The following DGKI variants were observed in gnomAD, a reference collection of about 807,000 sequenced individuals.
The protein encoded by DGKI is diacylglycerol kinase iota, also known as DAG kinase iota.
Under a neutral mutation model 147.5 loss-of-function variants are expected in DGKI, and 55 were observed. The observed-to-expected ratio is 0.37, with a 90% CI of 0.30 to 0.47. DGKI has a LOEUF of 0.47. Ranked by LOEUF, DGKI falls within the 20% of genes least tolerant of loss-of-function variation. DGKI has a pLI of 1.00. For synonymous variants in DGKI, 469 were observed against 477.1 expected, an observed-to-expected ratio of 0.98 and a Z score of 0.22; for missense variants, 1,007 against 1,323.8, an observed-to-expected ratio of 0.76 and a Z score of 3.71.
At chr7:137,830,775 T>C (rs550674030) in intron 1 of DGKI, among the ~76,000 whole-genome samples, 52 of 152,126 alleles carry the variant, frequency 3.4e-4, no homozygotes, top group Non-Finnish European at 6.5e-4. Context: ...CAGTGTAATA[T>C]TAAGTACGTA....
intron 1 of DGKI, among the ~76,000 whole-genome samples, chr7:137,734,588 G>A (rs886804780): frequency 9.9e-5 from 15 of 151,936 alleles, no homozygotes; most frequent in African/African-American, 3.4e-4. Flanking sequence ...ATCCACCTTC[G>A]AAGCAGATTC....
intron 1 of DGKI, among the ~76,000 whole-genome samples, chr7:137,824,945 T>C (rs553108585): frequency 2.6e-5 from 4 of 152,240 alleles, no homozygotes; most frequent in Non-Finnish European, 4.4e-5. Context: ...ACATGTTCTT[T>C]ATCCAGTCTA....
In DGKI at chr7:137,544,123, T is replaced by C. The variant is rs559051079; in HGVS notation, c.2147+8246A>G. 4.6e-5 allele frequency among the ~76,000 whole-genome samples: 7 copies of C among 152,294 alleles called. No individual in the cohort carries two copies. In the South Asian group the frequency reaches 1.5e-3, roughly 32 times the overall value. ...AACAAGTATGGACAATTTACTTTAC[T>C]GTATGTAGCACGCACACTCATGGAA... On this transcript the variant is annotated intron_variant, in intron 20 of 32. Transcript: ENST00000614521.
intron 2 of DGKI, among the ~76,000 whole-genome samples, chr7:137,686,338 T>C (rs1490314432): frequency 6.6e-6 from 1 of 152,174 alleles, no homozygotes; most frequent in Non-Finnish European, 1.5e-5. Flanking sequence ...CTGCTGTCAA[T>C]AGAAGACTCA....
At chr7:137,564,309 T>C (rs913467226) in intron 19 of DGKI, among the ~76,000 whole-genome samples, 1 of 152,264 alleles carries the variant, frequency 6.6e-6, no homozygotes, top group South Asian at 2.1e-4. Flanking sequence ...CCTCCCAATC[T>C]TTCTGGGAGT....
intron 3 of DGKI, among the ~76,000 whole-genome samples, chr7:137,676,456 C>G (rs753499941): frequency 2.0e-5 from 3 of 152,002 alleles, no homozygotes; most frequent in Non-Finnish European, 4.4e-5. Flanking sequence ...TTCTATGTAT[C>G]ATCTCACCAA....
intron 21 of DGKI, 95 bp downstream of exon 21, chr7:137,521,771 C>T: frequency 2.3e-6 from 2 of 867,334 alleles, no homozygotes; most frequent in Non-Finnish European, 3.8e-6. Context: ...GATTTTCAGG[C>T]ACAAGGATAA....
chr7:137,840,208 G>A (rs1410132773), intron 1 of DGKI, among the ~76,000 whole-genome samples: 1 of 152,192 alleles, frequency 6.6e-6, no homozygotes, highest in African/African-American at 2.4e-5. Flanking sequence ...ATTTTATTAA[G>A]TGGGTTAAAA....
At chr7:137,605,265 G>A (rs1231803553) in intron 10 of DGKI, among the ~76,000 whole-genome samples, 1 of 150,634 alleles carries the variant, frequency 6.6e-6, no homozygotes, top group Admixed American at 6.6e-5. Context: ...CTGAGATCGT[G>A]TCACTGCACT....
chr7:137,557,808 C>T (rs913271354), intron 19 of DGKI, among the ~76,000 whole-genome samples: 1 of 152,106 alleles, frequency 6.6e-6, no homozygotes, highest in Non-Finnish European at 1.5e-5. Context: ...CTAGTTCTGC[C>T]GTATGACCCT....
chr7:137,733,385 C>T (rs1292797702), intron 1 of DGKI, among the ~76,000 whole-genome samples: 1 of 151,986 alleles, frequency 6.6e-6, no homozygotes, highest in Non-Finnish European at 1.5e-5. Flanking sequence ...GCATAATGTC[C>T]TCAAGGCTCA....
chr7:137,426,223 G>C (rs1646437292), intron 28 of DGKI, among the ~76,000 whole-genome samples: 1 of 152,174 alleles, frequency 6.6e-6, no homozygotes, highest in Non-Finnish European at 1.5e-5. Context: ...CTACAAGCCA[G>C]AAGAGAGTGG....
chr7:137,692,874 G>C (rs1378533265), intron 1 of DGKI, among the ~76,000 whole-genome samples: 8 of 152,054 alleles, frequency 5.3e-5, no homozygotes, highest in African/African-American at 1.9e-4. Context: ...AAAAAAATAA[G>C]TAAAAAACAT....
intron 1 of DGKI, among the ~76,000 whole-genome samples, chr7:137,700,159 G>A (rs1823927281): frequency 6.6e-6 from 1 of 152,218 alleles, no homozygotes; most frequent in Non-Finnish European, 1.5e-5. Flanking sequence ...CACACTGCCA[G>A]GGTGTATCAG....
intron 17 of DGKI, among the ~76,000 whole-genome samples, chr7:137,575,719 T>A (rs1183205313): frequency 6.6e-6 from 1 of 152,224 alleles, no homozygotes; most frequent in Admixed American, 6.5e-5. Context: ...TATCTAGCTT[T>A]AAGAAGGCAA....
At chr7:137,809,865 C>T (rs1797505475) in intron 1 of DGKI, among the ~76,000 whole-genome samples, 1 of 151,750 alleles carries the variant, frequency 6.6e-6, no homozygotes, top group African/African-American at 2.4e-5. Context: ...GATCGCACCA[C>T]TGCACTCTAG....
chr7:137,577,242 A>C lies in DGKI; in HGVS notation c.1741T>G (p.Ser581Ala). 6.3e-7 allele frequency: 1 copy of C among 1,598,902 alleles called. No homozygotes were observed. Among genetic ancestry groups the C allele is most frequent in the Non-Finnish European group, 8.5e-7 (1 of 1,169,770 alleles). Residue 581 changes from serine to alanine, a missense_variant, in exon 17 of 33, where the codon TCC becomes GCC. By Grantham distance (99) the Ser-to-Ala change is moderately conservative (BLOSUM62 1). Transcript: ENST00000614521. ...DFLQRSSRDL[S>A]KHVKVVCDGT... ...CTTACAACAACTTTAACATGTTTGG[A>C]TAGATCTCTAGAACTTCTCTGTAGG...
chr7:137,718,090 C>T (rs1030506627), intron 1 of DGKI, among the ~76,000 whole-genome samples: 2 of 152,106 alleles, frequency 1.3e-5, no homozygotes, highest in Non-Finnish European at 2.9e-5. Flanking sequence ...CCACTCACAG[C>T]ATCTCAAGAG....
intron 23 of DGKI, among the ~76,000 whole-genome samples, chr7:137,472,109 A>G (rs1342421173): frequency 8.4e-6 from 1 of 119,002 alleles, no homozygotes; most frequent in Non-Finnish European, 1.6e-5. Context: ...ATATGTGTAT[A>G]TATACATATA....
Sources: allele counts gnomAD v4.1 joint callset (sites outside exome capture counted in the v4.1 genomes callset), GRCh38; gene constraint gnomAD v4.1.1; transcripts MANE v1.5; gene names NCBI Gene and HGNC (gene_info 2026-07-23, HGNC 2026-07-21).